PCDH7: variants seen among roughly 807,000 people sequenced by gnomAD.
PCDH7 encodes the protein protocadherin-7.
Under a neutral mutation model 58.9 loss-of-function variants are expected in PCDH7, and 17 were observed. That is an observed-to-expected ratio of 0.29 (90% CI 0.20 to 0.43). The LOEUF is 0.43. PCDH7 is among the 20% of genes least tolerant of loss of function. PCDH7 has a pLI of 1.00. For synonymous variants in PCDH7, 664 were observed against 616.4 expected (o/e 1.08, Z -1.14); for missense variants, 1,274 against 1,441.0 (o/e 0.88, Z 1.88).
intron 1 of PCDH7, among the ~76,000 whole-genome samples, chr4:30,773,015 C>T (rs1464485654): frequency 2.6e-5 from 4 of 152,204 alleles, no homozygotes; most frequent in African/African-American, 9.7e-5. Flanking sequence ...GATTCTCACA[C>T]CTCAATCTTC....
At position 31,072,685 on chromosome 4, in the gene PCDH7, T is replaced by C. The variant is rs949934372; in HGVS notation, c.*8-69788T>C. Among the ~76,000 whole-genome samples, 4 of 152,220 alleles carry C rather than the reference T, an allele frequency of 2.6e-5. No individual in the cohort carries two copies. The South Asian group carries it at 6.2e-4, about 24-fold the overall frequency. On this transcript the variant is annotated intron_variant, in intron 3 of 3. Coordinates refer to the PCDH7 transcript ENST00000509759. ...GTTTCACAGAGTTGTGTTATCTCAA[T>C]CACATTACTCACATCACATTATTGG...
chr4:31,069,830 C>G (rs1394420819), intron 3 of PCDH7, among the ~76,000 whole-genome samples: 1 of 92,168 alleles, frequency 1.1e-5, no homozygotes, highest in Non-Finnish European at 2.3e-5. Flanking sequence ...TGGCTATTTT[C>G]TAATATATAT....
intron 3 of PCDH7, among the ~76,000 whole-genome samples, chr4:31,099,003 G>T (rs1314391634): frequency 6.6e-6 from 1 of 152,056 alleles, no homozygotes; most frequent in Non-Finnish European, 1.5e-5. Context: ...TTGGATTAGA[G>T]CCCCACCCTT....
At chr4:31,112,176 G>A (rs1326323161) in intron 3 of PCDH7, among the ~76,000 whole-genome samples, 1 of 152,090 alleles carries the variant, frequency 6.6e-6, no homozygotes, top group Admixed American at 6.6e-5. Flanking sequence ...TCTAGTGATA[G>A]AAACCTTCTT....
intron 1 of PCDH7, among the ~76,000 whole-genome samples, chr4:30,849,258 T>C (rs1393087462): frequency 6.6e-6 from 1 of 152,132 alleles, no homozygotes; most frequent in African/African-American, 2.4e-5. Flanking sequence ...AAAACCACTC[T>C]TGGGGAAATC....
Position 30,796,757 on chromosome 4 carries a change from T to C in PCDH7, c.70+72161T>C, listed in dbSNP as rs143664658. Reference sequence around the variant, plus strand: ...TTTTAAACTCCCTTTCCCACTTTACTTTCTGTTCTTCTTCTAGAGCTCTAT... The same window carrying C: ...TTTTAAACTCCCTTTCCCACTTTACCTTCTGTTCTTCTTCTAGAGCTCTAT... On this transcript the variant is annotated intron_variant, in intron 1 of 3. Coordinates refer to the PCDH7 transcript ENST00000509759. Among the ~76,000 whole-genome samples the C allele has an allele frequency of 2.4e-3, 369 of 152,288 alleles. 1 individual carries two copies. The highest frequency in any genetic ancestry group is 8.5e-3 in the African/African-American group (355 of 41,562).
chr4:31,019,507 CA>C (rs1170241240), intron 3 of PCDH7, among the ~76,000 whole-genome samples: 10 of 151,758 alleles, frequency 6.6e-5, no homozygotes, highest in African/African-American at 2.4e-4. Context: ...AGTTAGAGAC[CA>C]ACATGGTAAA....
intron 1 of PCDH7, among the ~76,000 whole-genome samples, chr4:30,763,531 T>G (rs1242409731): frequency 1.3e-5 from 2 of 152,206 alleles, no homozygotes; most frequent in African/African-American, 4.8e-5. Flanking sequence ...GGTACATTCA[T>G]TACAAGTCAG....
intron 1 of PCDH7, among the ~76,000 whole-genome samples, chr4:30,745,724 T>G (rs1307657558): frequency 6.6e-6 from 1 of 152,126 alleles, no homozygotes; most frequent in Non-Finnish European, 1.5e-5. Flanking sequence ...TAGGTACTTC[T>G]TATTTAGTGC....
At chr4:30,728,205 G>A (rs1397737981) in intron 1 of PCDH7, among the ~76,000 whole-genome samples, 1 of 150,876 alleles carries the variant, frequency 6.6e-6, no homozygotes, top group Non-Finnish European at 1.5e-5. Context: ...TTGACTTGCT[G>A]TCATCTATTA....
At chr4:30,864,082 G>C (rs769279591) in intron 1 of PCDH7, among the ~76,000 whole-genome samples, 7 of 152,042 alleles carry the variant, frequency 4.6e-5, no homozygotes, top group Admixed American at 6.6e-5. Flanking sequence ...TCTGCAACCA[G>C]AGAGGAAGTT....
intron 1 of PCDH7, among the ~76,000 whole-genome samples, chr4:30,888,963 T>C (rs925458241): frequency 1.3e-5 from 2 of 151,912 alleles, no homozygotes; most frequent in Non-Finnish European, 2.9e-5. Context: ...GGAAGATTGC[T>C]TGAGTCCAGG....
chr4:31,110,347 C>T (rs906339592), intron 3 of PCDH7, among the ~76,000 whole-genome samples: 6 of 152,112 alleles, frequency 3.9e-5, no homozygotes, highest in African/African-American at 1.4e-4. Flanking sequence ...CTCATAACCT[C>T]GTACAAGTTT....
At chr4:30,975,632 A>G (rs1026897986) in intron 3 of PCDH7, among the ~76,000 whole-genome samples, 27 of 152,132 alleles carry the variant, frequency 1.8e-4, no homozygotes, top group African/African-American at 6.3e-4. Flanking sequence ...TCACTCATCT[A>G]TTCCTTCATT....
intron 3 of PCDH7, among the ~76,000 whole-genome samples, chr4:31,126,126 CTTTTTTTTT>C (rs555596051): frequency 1.6e-5 from 2 of 128,352 alleles, no homozygotes; most frequent in African/African-American, 5.8e-5. Context: ...CATATCCTTT[CTTTTTTTTT>C]TTTTTTTTTT....
At chr4:30,749,874 T>A (rs28604938) in intron 1 of PCDH7, among the ~76,000 whole-genome samples, 6,183 of 152,270 alleles carry the variant, frequency 0.041, 305 homozygotes, top group African/African-American at 0.12. Flanking sequence ...CTTTGTAGAA[T>A]TTTTAGGTGC....
chr4:30,914,829 C>A (rs1389820003), intron 1 of PCDH7, among the ~76,000 whole-genome samples: 1 of 152,078 alleles, frequency 6.6e-6, no homozygotes, highest in Non-Finnish European at 1.5e-5. Flanking sequence ...ATACCCTGAG[C>A]CTAAGGCACA....
chr4:31,112,181 C>G (rs182482561), intron 3 of PCDH7, among the ~76,000 whole-genome samples: 1 of 152,196 alleles, frequency 6.6e-6, no homozygotes, highest in African/African-American at 2.4e-5. Context: ...TGATAGAAAC[C>G]TTCTTTCAGT....
At chr4:31,072,107 A>T (rs562392945) in intron 3 of PCDH7, among the ~76,000 whole-genome samples, 1 of 152,142 alleles carries the variant, frequency 6.6e-6, no homozygotes, top group African/African-American at 2.4e-5. Context: ...CTAAGAAAAA[A>T]AATAGAACTG....
Sources: gnomAD v4.1 joint callset for allele counts (sites outside exome capture counted in the v4.1 genomes callset) on GRCh38, gnomAD v4.1.1 for gene constraint, MANE v1.5 for transcripts, NCBI Gene and HGNC (gene_info 2026-07-23, HGNC 2026-07-21) for gene names.